SENP1: variants seen among roughly 807,000 people sequenced by gnomAD.
SENP1 encodes SUMO specific peptidase 1, also known as sentrin-specific protease 1.
A neutral mutation model predicts 93.0 loss-of-function variants in SENP1; 21 were observed. That is an observed-to-expected ratio of 0.23 (90% CI 0.16 to 0.33). SENP1 has a LOEUF of 0.33. Ranked by LOEUF, SENP1 falls within the 10% of genes least tolerant of loss-of-function variation. The pLI is 1.00. For synonymous variants in SENP1, 256 were observed against 259.6 expected (o/e 0.99, Z 0.13); for missense variants, 591 against 758.7 (o/e 0.78, Z 2.60).
chr12:48,084,600 C>G (rs890099842), intron 5 of SENP1, among the ~76,000 whole-genome samples: 1 of 151,982 alleles, frequency 6.6e-6, no homozygotes, highest in Non-Finnish European at 1.5e-5. Context: ...AGGCACCCGC[C>G]GCCACACCCA....
chr12:48,056,245 AATATATATTTTATATATTAC>A (rs1942308321), intron 13 of SENP1, among the ~76,000 whole-genome samples: 1 of 117,700 alleles, frequency 8.5e-6, no homozygotes, highest in Non-Finnish European at 1.6e-5. Context: ...TTTTACATAT[AATATATATTTTATATATTAC>A]TTAATGTATT....
chr12:48,076,682 C>T (rs1944111134), intron 6 of SENP1, among the ~76,000 whole-genome samples: 1 of 148,454 alleles, frequency 6.7e-6, no homozygotes, highest in Non-Finnish European at 1.5e-5. Context: ...CTCACTCTGT[C>T]ACCAGGCTGG....
intron 5 of SENP1, among the ~76,000 whole-genome samples, 160 bp from the exon 6 acceptor site, chr12:48,083,922 T>C (rs1944657807): frequency 6.6e-6 from 1 of 152,228 alleles, no homozygotes. Context: ...GAATAAATGA[T>C]ATATAAGGAT....
At chr12:48,093,346 C>T (rs1243538517) in intron 4 of SENP1, among the ~76,000 whole-genome samples, 2 of 144,148 alleles carry the variant, frequency 1.4e-5, no homozygotes, top group East Asian at 2.1e-4. Context: ...TGCAGTGGCG[C>T]GATCTCCGCT....
At chr12:48,104,485 T>G (rs937094328) in intron 1 of SENP1, among the ~76,000 whole-genome samples, 4 of 152,136 alleles carry the variant, frequency 2.6e-5, no homozygotes, top group African/African-American at 9.7e-5. Flanking sequence ...ACATGTAATC[T>G]CTCCCAATCA....
chr12:48,052,779 G>A (rs1438010983), intron 13 of SENP1, among the ~76,000 whole-genome samples: 4 of 152,160 alleles, frequency 2.6e-5, no homozygotes, highest in Non-Finnish European at 4.4e-5. Flanking sequence ...TTCTCCATGT[G>A]ACCTTGCATA....
At chr12:48,086,439 C>T (rs1026054643) in intron 5 of SENP1, among the ~76,000 whole-genome samples, 1 of 152,100 alleles carries the variant, frequency 6.6e-6, no homozygotes, top group African/African-American at 2.4e-5. Context: ...ATTCATATAA[C>T]GCCAAAGTAA....
chr12:48,063,356 C>T (rs1456631555), intron 13 of SENP1, among the ~76,000 whole-genome samples: 2 of 152,100 alleles, frequency 1.3e-5, no homozygotes, highest in Non-Finnish European at 2.9e-5. Flanking sequence ...CACAGTATTC[C>T]CTCATGCTGC....
At chr12:48,067,165 T>C (rs1943364030) in intron 9 of SENP1, among the ~76,000 whole-genome samples, 200 bp from the exon 10 acceptor site, 1 of 152,208 alleles carries the variant, frequency 6.6e-6, no homozygotes, top group Non-Finnish European at 1.5e-5. Flanking sequence ...TACATATTAG[T>C]TAAAATCATA....
At chr12:48,072,798 T>C (rs904880885) in intron 8 of SENP1, among the ~76,000 whole-genome samples, 6 of 152,182 alleles carry the variant, frequency 3.9e-5, no homozygotes, top group African/African-American at 1.2e-4. Flanking sequence ...TTAGTATGTA[T>C]GTATAGGAAA....
At chr12:48,091,861 TG>T (rs1038228892) in intron 4 of SENP1, among the ~76,000 whole-genome samples, 10 of 152,126 alleles carry the variant, frequency 6.6e-5, no homozygotes, top group Non-Finnish European at 1.3e-4. Flanking sequence ...TTTTATTTTT[TG>T]TAGAGACAGG....
At chr12:48,105,402 C>A (rs1946442328) in intron 1 of SENP1, 1 of 518,956 alleles carries the variant, frequency 1.9e-6, no homozygotes, top group Middle Eastern at 3.2e-4. Flanking sequence ...AGGGAATTAC[C>A]AGGAGGCGAT....
chr12:48,044,311 TCA>T lies in SENP1; in HGVS notation c.*1009_*1010del, dbSNP rs1941201039. On this transcript the variant is annotated 3_prime_UTR_variant, in exon 18 of 18. Transcript: ENST00000549518. ...TCTACAGGCTAAATGGTGAACACAT[TCA>T]GTCTTTAAAAAAAAAAGCATATCCC... 1 of 149,154 alleles carries T rather than the reference TCA, an allele frequency of 6.7e-6. No homozygotes were observed. The highest frequency in any genetic ancestry group is 1.5e-5 in the Non-Finnish European group (1 of 67,436). 9.2% of individuals were successfully genotyped at this position (149,154 alleles called of 1,614,324 possible). A position where few individuals can be genotyped will look rare whatever the true frequency, so the allele number is the denominator to read the frequency against.
chr12:48,074,536 G>T lies in SENP1; in HGVS notation c.728C>A (p.Ser243Tyr). The T allele has an allele frequency of 6.2e-7, 1 of 1,613,428 alleles. No individual in the cohort carries two copies. Among genetic ancestry groups the T allele is most frequent in the Non-Finnish European group, 8.5e-7 (1 of 1,179,388 alleles). The change falls in exon 8 of 18, where the codon TCT becomes TAT. Residue 243 changes from serine to tyrosine, a missense_variant. Ser to Tyr is a moderately radical substitution (Grantham distance 144). Transcript: ENST00000549518. ...SLFKNGNSCA[S>Y]QIIGSDTSSS... ...TGAAGTATCAGAGCCAATGATCTGA[G>T]ATGCACAAGAGTTTCCATTTTTAAA...
At chr12:48,053,083 A>ATGC (rs1301133877) in intron 13 of SENP1, among the ~76,000 whole-genome samples, 1 of 152,080 alleles carries the variant, frequency 6.6e-6, no homozygotes, top group Non-Finnish European at 1.5e-5. Flanking sequence ...CTCTTTACTG[A>ATGC]GCATCACTCA....
chr12:48,045,931 T>C (rs1275759300), intron 17 of SENP1, among the ~76,000 whole-genome samples: 2 of 152,330 alleles, frequency 1.3e-5, no homozygotes, highest in South Asian at 2.1e-4. Context: ...AAGAGAAGAC[T>C]GACCAGATTC....
At chr12:48,047,939 T>C in intron 15 of SENP1, 62 bp downstream of exon 15, 1 of 1,060,388 alleles carries the variant, frequency 9.4e-7, no homozygotes, top group East Asian at 2.4e-5. Flanking sequence ...CTGAGTTCAA[T>C]TACTGGAAAA....
At chr12:48,065,028 T>C (rs762166238) in intron 12 of SENP1, 37 bp downstream of exon 12, 8 of 1,388,796 alleles carry the variant, frequency 5.8e-6, no homozygotes, top group South Asian at 1.2e-5. Flanking sequence ...CTAAACATGA[T>C]ACTTAGTAGT....
intron 14 of SENP1, among the ~76,000 whole-genome samples, chr12:48,048,642 C>T (rs1402813827): frequency 1.3e-5 from 2 of 152,144 alleles, no homozygotes; most frequent in African/African-American, 2.4e-5. Context: ...GTGGCAGCAT[C>T]ATTAATAAGT....
Sources: allele counts gnomAD v4.1 joint callset (sites outside exome capture counted in the v4.1 genomes callset), GRCh38; gene constraint gnomAD v4.1.1; transcripts MANE v1.5; gene names NCBI Gene and HGNC (gene_info 2026-07-23, HGNC 2026-07-21).